GPC6: variants seen among roughly 807,000 people sequenced by gnomAD.
GPC6 encodes the protein glypican 6.
Under a neutral mutation model 55.2 loss-of-function variants are expected in GPC6, and 14 were observed. That is an observed-to-expected ratio of 0.25 (90% CI 0.17 to 0.40). The LOEUF (loss-of-function observed/expected upper bound fraction) is 0.40, where lower values mean the gene tolerates loss of function less well. Among genes scored for constraint, GPC6 ranks in the 10% least tolerant of loss-of-function variants. The pLI is 1.00. For missense variants in GPC6, 641 were observed against 708.5 expected (o/e 0.90, Z 1.08); for synonymous variants, 278 against 259.6 (o/e 1.07, Z -0.68).
chr13:93,641,141 C>CA (rs1879916809), intron 2 of GPC6, among the ~76,000 whole-genome samples: 2 of 152,004 alleles, frequency 1.3e-5, no homozygotes, highest in South Asian at 4.2e-4. Context: ...TATAATTTCA[C>CA]AAAAATAGAT....
chr13:93,852,836 C>A (rs754731599), intron 3 of GPC6, among the ~76,000 whole-genome samples: 9 of 151,498 alleles, frequency 5.9e-5, no homozygotes, highest in Non-Finnish European at 1.3e-4. Flanking sequence ...GATATTTCAC[C>A]CTCTCTCTTA....
At chr13:93,289,566 T>C (rs1878252692) in intron 1 of GPC6, among the ~76,000 whole-genome samples, 1 of 152,150 alleles carries the variant, frequency 6.6e-6, no homozygotes, top group Admixed American at 6.6e-5. Flanking sequence ...ATTACTAACA[T>C]AAATATATGT....
At chr13:94,098,805 T>C (rs972854391) in intron 4 of GPC6, among the ~76,000 whole-genome samples, 82 of 152,304 alleles carry the variant, frequency 5.4e-4, no homozygotes, top group African/African-American at 1.9e-3. Context: ...AAGCAAAATA[T>C]TTGACGGGAC....
At chr13:94,015,124 A>G (rs1882409994) in intron 3 of GPC6, among the ~76,000 whole-genome samples, 1 of 152,186 alleles carries the variant, frequency 6.6e-6, no homozygotes, top group Non-Finnish European at 1.5e-5. Flanking sequence ...TGTTTTTCCA[A>G]TGTGGCTGTA....
rs945175027 is a variant in GPC6 at position 93,319,812 on chromosome 13, C to G, written c.160+92196C>G. ...CATGAAGACCAGATCACAGAGGCCT[C>G]TAGATGAGAAAAATACATATGTATT... is the stretch of plus-strand genomic sequence containing the variant. On this transcript the variant is annotated intron_variant, in intron 1 of 8. Transcript: ENST00000377047. Among the ~76,000 whole-genome samples the G allele has an allele frequency of 1.4e-4, 22 of 151,868 alleles. 1 individual carries two copies. The highest frequency in any genetic ancestry group is 2.6e-4 in the Admixed American group (4 of 15,248).
At chr13:93,898,940 A>T (rs9516313) in intron 3 of GPC6, among the ~76,000 whole-genome samples, 13 of 136,644 alleles carry the variant, frequency 9.5e-5, no homozygotes, top group African/African-American at 1.6e-4. Context: ...ATTATATATA[A>T]ATATATATAT....
intron 1 of GPC6, among the ~76,000 whole-genome samples, chr13:93,271,081 G>C (rs896129680): frequency 4.6e-5 from 7 of 152,180 alleles, no homozygotes; most frequent in African/African-American, 1.7e-4. Context: ...GGGAGTGTTT[G>C]TGTTGCAAGC....
chr13:94,398,220 A>G (rs1343705645), intron 7 of GPC6, among the ~76,000 whole-genome samples: 1 of 151,768 alleles, frequency 6.6e-6, no homozygotes, highest in Non-Finnish European at 1.5e-5. Context: ...AGACCTACCT[A>G]AGAACTCAGT....
intron 1 of GPC6, among the ~76,000 whole-genome samples, chr13:93,241,977 T>C (rs1008993094): frequency 4.6e-5 from 7 of 152,146 alleles, no homozygotes; most frequent in Non-Finnish European, 8.8e-5. Context: ...GGTCGTGCTT[T>C]TAGTAGCAAT....
intron 1 of GPC6, chr13:93,395,013 T>G (rs936203950): frequency 3.8e-5 from 9 of 234,958 alleles, no homozygotes; most frequent in African/African-American, 2.1e-4. Flanking sequence ...GGGGCACAGC[T>G]TATCCCTCCA....
chr13:94,332,971 T>C (rs2139144583), intron 6 of GPC6, among the ~76,000 whole-genome samples: 1 of 152,350 alleles, frequency 6.6e-6, no homozygotes, highest in Non-Finnish European at 1.5e-5. Context: ...ATTGCGAGGA[T>C]TCTGTACATG....
intron 2 of GPC6, among the ~76,000 whole-genome samples, chr13:93,803,991 G>T (rs1886460962): frequency 6.6e-6 from 1 of 152,098 alleles, no homozygotes; most frequent in Non-Finnish European, 1.5e-5. Flanking sequence ...TGATTGTTGT[G>T]ATGGTTGCAC....
At chr13:93,800,439 C>A (rs1027460072) in intron 2 of GPC6, among the ~76,000 whole-genome samples, 1 of 152,122 alleles carries the variant, frequency 6.6e-6, no homozygotes, top group Non-Finnish European at 1.5e-5. Context: ...AACAGCATCT[C>A]TGGGACACAG....
At chr13:93,346,907 A>G (rs1170752070) in intron 1 of GPC6, among the ~76,000 whole-genome samples, 1 of 133,386 alleles carries the variant, frequency 7.5e-6, no homozygotes, top group African/African-American at 2.4e-5. Flanking sequence ...GTTTATTTCT[A>G]TAAGTTTGTT....
At chr13:93,475,055 A>G (rs557808312) in intron 1 of GPC6, among the ~76,000 whole-genome samples, 26 of 152,270 alleles carry the variant, frequency 1.7e-4, no homozygotes. Context: ...CTGTGGCCAG[A>G]CGATTGATTC....
intron 4 of GPC6, among the ~76,000 whole-genome samples, chr13:94,265,339 A>G (rs950831994): frequency 2.0e-5 from 3 of 152,202 alleles, no homozygotes; most frequent in African/African-American, 7.2e-5. Context: ...AAGCTGAAGA[A>G]CTTGGAGTCT....
chr13:93,369,530 C>A (rs1447735804), intron 1 of GPC6, among the ~76,000 whole-genome samples: 7 of 152,040 alleles, frequency 4.6e-5, no homozygotes, highest in Admixed American at 3.9e-4. Context: ...TTTTTGTTGG[C>A]ATAGTCTATT....
chr13:94,312,668 C>T (rs1267423890), intron 6 of GPC6, among the ~76,000 whole-genome samples: 1 of 151,984 alleles, frequency 6.6e-6, no homozygotes, highest in Non-Finnish European at 1.5e-5. Flanking sequence ...TGATATTTCC[C>T]ACCTTCCACC....
chr13:94,355,679 T>A (rs1400612744), intron 6 of GPC6, among the ~76,000 whole-genome samples: 1 of 152,208 alleles, frequency 6.6e-6, no homozygotes, highest in Non-Finnish European at 1.5e-5. Context: ...CAGTGAGGCC[T>A]TCCATGAGCA....
Sources: gnomAD v4.1 joint callset for allele counts (sites outside exome capture counted in the v4.1 genomes callset) on GRCh38, gnomAD v4.1.1 for gene constraint, MANE v1.5 for transcripts, NCBI Gene and HGNC (gene_info 2026-07-23, HGNC 2026-07-21) for gene names.